CBLN2: variants seen among roughly 807,000 people sequenced by gnomAD.
CBLN2 encodes cerebellin-2.
In CBLN2, 7 loss-of-function variants were observed where a neutral mutation model predicts 15.0. The ratio of observed to expected loss-of-function variants is 0.47; its 90% CI spans 0.27 to 0.88. The LOEUF (loss-of-function observed/expected upper bound fraction) is 0.88. Among genes scored for constraint, CBLN2 ranks in the 40% least tolerant of loss-of-function variants. The pLI is 0.14. For synonymous variants in CBLN2, 149 were observed against 135.2 expected, an observed-to-expected ratio of 1.10 and a Z score of -0.71; for missense variants, 242 against 304.5, an observed-to-expected ratio of 0.79 and a Z score of 1.53.
intron 1 of CBLN2, among the ~76,000 whole-genome samples, chr18:72,574,697 G>T (rs2069353594): frequency 6.6e-6 from 1 of 152,160 alleles, no homozygotes; most frequent in Admixed American, 6.5e-5. Flanking sequence ...TATTCTAAAG[G>T]CTTAATTTTC....
chr18:72,544,865 A>G (rs1336004621), upstream of CBLN2, among the ~76,000 whole-genome samples: 1 of 151,968 alleles, frequency 6.6e-6, no homozygotes, highest in African/African-American at 2.4e-5. Context: ...ATGCTGGTCT[A>G]AAAAACAATC....
chr18:72,573,695 C>T (rs755300052), intron 1 of CBLN2, among the ~76,000 whole-genome samples: 16 of 152,060 alleles, frequency 1.1e-4, no homozygotes, highest in Non-Finnish European at 1.6e-4. Context: ...CATTTAACTA[C>T]GGAAATATCT....
intron 1 of CBLN2, among the ~76,000 whole-genome samples, chr18:72,552,181 G>T (rs1001611543): frequency 2.6e-5 from 4 of 151,568 alleles, no homozygotes; most frequent in Non-Finnish European, 4.4e-5. Flanking sequence ...CTGCCTCCTG[G>T]GTTCAAGCAA....
chr18:72,628,887 C>T (rs1183718055), intron 1 of CBLN2, among the ~76,000 whole-genome samples: 1 of 152,166 alleles, frequency 6.6e-6, no homozygotes, highest in Non-Finnish European at 1.5e-5. Context: ...ACGGATCCAT[C>T]TCCATATTCT....
chr18:72,585,796 C>G (rs181802132), intron 1 of CBLN2, among the ~76,000 whole-genome samples: 2 of 152,360 alleles, frequency 1.3e-5, no homozygotes, highest in Admixed American at 6.5e-5. Flanking sequence ...CTCAGTACCC[C>G]CTTGGCCTCC....
chr18:72,617,648 A>G (rs1468848285), intron 1 of CBLN2, among the ~76,000 whole-genome samples: 2 of 152,226 alleles, frequency 1.3e-5, no homozygotes, highest in African/African-American at 4.8e-5. Flanking sequence ...GCAAATGCTC[A>G]TGAACCTGTT....
At chr18:72,575,249 G>A (rs1408915449) in intron 1 of CBLN2, among the ~76,000 whole-genome samples, 1 of 152,120 alleles carries the variant, frequency 6.6e-6, no homozygotes, top group East Asian at 1.9e-4. Flanking sequence ...GATTGGCCAT[G>A]GCTGTGAGTG....
chr18:72,585,264 T>C (rs1305115519), intron 1 of CBLN2, among the ~76,000 whole-genome samples: 1 of 152,196 alleles, frequency 6.6e-6, no homozygotes, highest in African/African-American at 2.4e-5. Context: ...CCCATTTGTA[T>C]TAAAGCTCTT....
At chr18:72,637,597 GC>G (rs1199271978) in intron 1 of CBLN2, among the ~76,000 whole-genome samples, 1 of 152,172 alleles carries the variant, frequency 6.6e-6, no homozygotes. Context: ...GGCTCTGTGA[GC>G]CCCCGAGTTA....
chr18:72,545,735 A>G (rs1486721983), upstream of CBLN2, among the ~76,000 whole-genome samples: 1 of 152,254 alleles, frequency 6.6e-6, no homozygotes, highest in Non-Finnish European at 1.5e-5. Flanking sequence ...TGAGACACAG[A>G]CATAATTAGA....
chr18:72,629,489 G>A (rs1205624015), intron 1 of CBLN2, among the ~76,000 whole-genome samples: 1 of 151,972 alleles, frequency 6.6e-6, no homozygotes, highest in Non-Finnish European at 1.5e-5. Flanking sequence ...AAAAGCAATG[G>A]CCTAGTGACT....
At chr18:72,615,292 T>TG (rs2069653710) in intron 1 of CBLN2, among the ~76,000 whole-genome samples, 1 of 140,886 alleles carries the variant, frequency 7.1e-6, no homozygotes, top group South Asian at 2.2e-4. Flanking sequence ...ATTTTTTTTT[T>TG]GAGACAGAGT....
intron 1 of CBLN2, among the ~76,000 whole-genome samples, chr18:72,570,216 T>C (rs1052340892): frequency 2.0e-5 from 3 of 152,064 alleles, no homozygotes; most frequent in Non-Finnish European, 4.4e-5. Flanking sequence ...ACCTATTTAA[T>C]ATGTATTTTT....
chr18:72,612,384 T>A (rs746359154), intron 1 of CBLN2, among the ~76,000 whole-genome samples: 2 of 152,154 alleles, frequency 1.3e-5, no homozygotes, highest in Admixed American at 1.3e-4. Context: ...ACATGAACAC[T>A]CACATTTGTT....
chr18:72,634,645 C>T (rs1446738453), intron 1 of CBLN2, among the ~76,000 whole-genome samples: 4 of 152,120 alleles, frequency 2.6e-5, no homozygotes, highest in Non-Finnish European at 5.9e-5. Flanking sequence ...CACTATTCTG[C>T]ATGGCAGGCT....
intron 1 of CBLN2, among the ~76,000 whole-genome samples, chr18:72,549,942 G>A (rs1209096825): frequency 6.6e-6 from 1 of 152,138 alleles, no homozygotes; most frequent in Admixed American, 6.5e-5. Context: ...CTGGGTCAAA[G>A]GTATTGCGGT....
chr18:72,629,310 A>G (rs2069760265), intron 1 of CBLN2, among the ~76,000 whole-genome samples: 1 of 152,206 alleles, frequency 6.6e-6, no homozygotes, highest in African/African-American at 2.4e-5. Context: ...CAGAGAGAAT[A>G]TTGAAGAAGC....
intron 1 of CBLN2, among the ~76,000 whole-genome samples, chr18:72,631,279 C>A (rs890367723): frequency 6.6e-6 from 1 of 152,022 alleles, no homozygotes; most frequent in Non-Finnish European, 1.5e-5. Context: ...GGAAAGAAGA[C>A]AAGAGGGAAA....
chr18:72,569,791 T>TC (rs1273563643), intron 1 of CBLN2, among the ~76,000 whole-genome samples: 1 of 151,730 alleles, frequency 6.6e-6, no homozygotes, highest in Non-Finnish European at 1.5e-5. Context: ...CATGAGGGAT[T>TC]CTCCCCTACG....
Sources: allele counts gnomAD v4.1 joint callset (sites outside exome capture counted in the v4.1 genomes callset), GRCh38; gene constraint gnomAD v4.1.1; transcripts MANE v1.5; gene names NCBI Gene and HGNC (gene_info 2026-07-23, HGNC 2026-07-21).